Variants in CORO2B observed in about 807,000 individuals in gnomAD.
CORO2B encodes the protein coronin 2B.
In CORO2B, 26 loss-of-function variants were observed where a neutral mutation model predicts 58.8. The observed-to-expected ratio is 0.44, with a 90% CI of 0.32 to 0.61. The LOEUF (loss-of-function observed/expected upper bound fraction) is 0.61. CORO2B is among the 20% of genes least tolerant of loss of function. The pLI is 0.04. For missense variants in CORO2B, 460 were observed against 645.1 expected (o/e 0.71, Z 3.11); for synonymous variants, 242 against 253.8 (o/e 0.95, Z 0.44).
Position 68,714,508 on chromosome 15 carries a change from G to A in CORO2B, c.766-51G>A, listed in dbSNP as rs372852683. 30 of 1,410,066 alleles carry A rather than the reference G, an allele frequency of 2.1e-5. No homozygotes were observed. The African/African-American group carries it at 3.7e-4, about 17-fold the overall frequency. 87.3% of individuals were successfully genotyped at this position (1,410,066 alleles called of 1,614,324 possible). A position where few individuals can be genotyped will look rare whatever the true frequency, so the allele number is the denominator to read the frequency against. ...AGAGGCCTTCCTGGGATTTGGGGAG[G>A]GGTATGCCATCCTGCCTGCAGAGAG... On this transcript the variant is annotated intron_variant, in intron 6 of 11. Transcript: ENST00000261861.
chr15:68,579,484 C>A (rs1039037075), intron 1 of CORO2B, among the ~76,000 whole-genome samples: 2 of 152,076 alleles, frequency 1.3e-5, no homozygotes, highest in African/African-American at 2.4e-5. Context: ...GCTCTGGCAG[C>A]CCCGGCGGTT....
the CORO2B span, among the ~76,000 whole-genome samples, chr15:68,552,902 G>A: frequency 6.6e-6 from 1 of 152,228 alleles, no homozygotes; most frequent in South Asian, 2.1e-4. Flanking sequence ...TGGTTGCAGA[G>A]AATGCCTCAG....
Position 68,579,157 on chromosome 15 carries a change from G to A in CORO2B, c.-106G>A. On this transcript the variant is annotated 5_prime_UTR_variant, in exon 1 of 12. Transcript: ENST00000261861. ...TCGGCCGAGCCGCCGGCGGGGCGCG[G>A]GGAGCGAGCCGGGAGCTGCCGGACC... The A allele has an allele frequency of 3.1e-6, 3 of 981,094 alleles. No homozygotes were observed. The highest frequency in any genetic ancestry group is 3.6e-6 in the Non-Finnish European group (3 of 828,148). The allele number at this position is 981,094 out of a possible 1,614,324, so 60.8% of individuals were successfully genotyped here. A position where few individuals can be genotyped will look rare whatever the true frequency, so the allele number is the denominator to read the frequency against.
chr15:68,563,085 T>A, the CORO2B span, among the ~76,000 whole-genome samples: 2 of 151,182 alleles, frequency 1.3e-5, no homozygotes, highest in African/African-American at 2.4e-5. Context: ...TAAATTCTTA[T>A]AAAGGAAGAA....
the CORO2B span, among the ~76,000 whole-genome samples, chr15:68,564,341 T>C: frequency 6.6e-6 from 1 of 152,166 alleles, no homozygotes; most frequent in East Asian, 1.9e-4. Flanking sequence ...TCTCACTCTA[T>C]TGCCCAGGCT....
chr15:68,597,508 G>C (rs993425450), intron 1 of CORO2B, among the ~76,000 whole-genome samples: 1 of 151,888 alleles, frequency 6.6e-6, no homozygotes, highest in Non-Finnish European at 1.5e-5. Context: ...ATGGAACCAG[G>C]GTTCTATTGC....
At chr15:68,584,419 C>T (rs1899503132) in intron 1 of CORO2B, among the ~76,000 whole-genome samples, 1 of 152,160 alleles carries the variant, frequency 6.6e-6, no homozygotes, top group Non-Finnish European at 1.5e-5. Flanking sequence ...CCCAGAATCA[C>T]CCCACAGTGG....
chr15:68,583,329 A>G (rs966053440), intron 1 of CORO2B, among the ~76,000 whole-genome samples: 2 of 152,194 alleles, frequency 1.3e-5, no homozygotes, highest in African/African-American at 4.8e-5. Context: ...GAGGGAACTG[A>G]GACGCTGGGA....
chr15:68,579,379 G>T (rs1236473621), intron 1 of CORO2B, 102 bp downstream of exon 1: 2 of 1,116,668 alleles, frequency 1.8e-6, no homozygotes, highest in Non-Finnish European at 2.2e-6. Flanking sequence ...AGGGGGCGCC[G>T]GTGCCGGGAA....
chr15:68,704,718 C>G (rs188258044), intron 3 of CORO2B, among the ~76,000 whole-genome samples: 32 of 152,268 alleles, frequency 2.1e-4, no homozygotes, highest in Non-Finnish European at 3.7e-4. Flanking sequence ...GTTTGGCACA[C>G]AGAGGGGAGC....
intron 11 of CORO2B, among the ~76,000 whole-genome samples, chr15:68,723,748 G>A (rs973753472): frequency 3.3e-5 from 5 of 152,096 alleles, no homozygotes; most frequent in African/African-American, 1.2e-4. Flanking sequence ...ACCGTGCCCG[G>A]CCGATACCTT....
chr15:68,638,855 A>G (rs1901118151), intron 1 of CORO2B, among the ~76,000 whole-genome samples: 1 of 152,318 alleles, frequency 6.6e-6, no homozygotes, highest in East Asian at 1.9e-4. Flanking sequence ...GGAGAGGATC[A>G]TGACTGCGGG....
intron 2 of CORO2B, among the ~76,000 whole-genome samples, chr15:68,671,353 C>T (rs1304257529): frequency 6.6e-6 from 1 of 152,138 alleles, no homozygotes; most frequent in Non-Finnish European, 1.5e-5. Context: ...AAAATTGGCT[C>T]AACATCCCTG....
chr15:68,576,625 T>C (rs952194987), upstream of CORO2B, among the ~76,000 whole-genome samples: 2 of 152,150 alleles, frequency 1.3e-5, no homozygotes, highest in South Asian at 2.1e-4. Context: ...AGGTTTCCGA[T>C]GGGGTCCTAG....
At chr15:68,601,369 C>T (rs1159650251) in intron 1 of CORO2B, among the ~76,000 whole-genome samples, 1 of 152,222 alleles carries the variant, frequency 6.6e-6, no homozygotes, top group Non-Finnish European at 1.5e-5. Flanking sequence ...CTCATTCAGC[C>T]AGCATCCTCT....
chr15:68,684,228 C>T (rs1253714199), intron 2 of CORO2B, among the ~76,000 whole-genome samples: 1 of 152,170 alleles, frequency 6.6e-6, no homozygotes, highest in Admixed American at 6.5e-5. Flanking sequence ...CAGGAGATTA[C>T]ACTTTTGGGC....
the CORO2B span, among the ~76,000 whole-genome samples, chr15:68,520,378 C>T: frequency 6.6e-5 from 10 of 152,092 alleles, no homozygotes; most frequent in African/African-American, 2.4e-4. Context: ...TTATAGTCTC[C>T]CCTTAAAATA....
chr15:68,589,605 G>A (rs535588888), intron 1 of CORO2B, among the ~76,000 whole-genome samples: 1 of 152,334 alleles, frequency 6.6e-6, no homozygotes, highest in Admixed American at 6.5e-5. Context: ...AGTGGGAACT[G>A]GGGCTCCCCC....
chr15:68,585,838 C>G (rs547580523), intron 1 of CORO2B, among the ~76,000 whole-genome samples: 1 of 152,218 alleles, frequency 6.6e-6, no homozygotes, highest in Admixed American at 6.5e-5. Flanking sequence ...AGGAGGGTGT[C>G]CTATACATGG....
Sources: gnomAD v4.1 joint callset for allele counts (sites outside exome capture counted in the v4.1 genomes callset) on GRCh38, gnomAD v4.1.1 for gene constraint, MANE v1.5 for transcripts, NCBI Gene and HGNC (gene_info 2026-07-23, HGNC 2026-07-21) for gene names.